The following CLPTM1L variants were observed in gnomAD, a reference collection of about 807,000 sequenced individuals.
CLPTM1L encodes lipid scramblase CLPTM1L.
A neutral mutation model predicts 70.9 loss-of-function variants in CLPTM1L; 38 were observed. That is an observed-to-expected ratio of 0.54 (90% CI 0.41 to 0.70). CLPTM1L has a LOEUF of 0.70. Among genes scored for constraint, CLPTM1L ranks in the 30% least tolerant of loss-of-function variants. CLPTM1L has a pLI of 0.00. For synonymous variants in CLPTM1L, 339 were observed against 299.9 expected (o/e 1.13, Z -1.35); for missense variants, 652 against 705.9 (o/e 0.92, Z 0.87).
At chr5:1,332,551 C>A (rs1451572676) in intron 7 of CLPTM1L, among the ~76,000 whole-genome samples, 2 of 152,246 alleles carry the variant, frequency 1.3e-5, no homozygotes, top group Non-Finnish European at 2.9e-5. Context: ...TAACCACAGG[C>A]CAGCCTAACA....
In CLPTM1L at chr5:1,320,705, G is replaced by A. The variant is rs1561227027; in HGVS notation, c.1443C>T (p.Val481=). 6.5e-7 allele frequency: 1 copy of A among 1,547,756 alleles called. No homozygotes were observed. Among genetic ancestry groups the A allele is most frequent in the Admixed American group, 2.0e-5 (1 of 50,736 alleles). The change falls in exon 16 of 17, where the codon GTC becomes GTT. Residue 481 remains valine, a synonymous_variant. Coordinates refer to ENST00000320895, the MANE Select transcript of CLPTM1L (RefSeq NM_030782.5). The part of the protein sequence containing the change: ...YKAFNTFIDD[V]FAFIITMPTS... The stretch of plus-strand genomic sequence containing the variant: ...TGGGCATGGTGATGATGAAGGCAAA[G>A]ACGTCATCAATGAAGGTGTTGAAAG...
chr5:1,319,628 C>T (rs576730060), intron 16 of CLPTM1L, among the ~76,000 whole-genome samples: 7 of 152,334 alleles, frequency 4.6e-5, no homozygotes, highest in Non-Finnish European at 1.0e-4. Flanking sequence ...CCCTCTCCTG[C>T]ACTAGTAGGA....
intron 9 of CLPTM1L, among the ~76,000 whole-genome samples, chr5:1,327,458 C>CAT (rs1752680937): frequency 6.7e-6 from 1 of 148,448 alleles, no homozygotes; most frequent in Non-Finnish European, 1.5e-5. Flanking sequence ...TCTACAGGGA[C>CAT]ATTCCATCCA....
intron 11 of CLPTM1L, among the ~76,000 whole-genome samples, chr5:1,324,383 G>A (rs1365325582): frequency 6.6e-6 from 1 of 152,250 alleles, no homozygotes; most frequent in African/African-American, 2.4e-5. Context: ...TGTGCTGCTG[G>A]GGCCATTCCT....
intron 9 of CLPTM1L, among the ~76,000 whole-genome samples, chr5:1,328,834 G>A (rs1336522029): frequency 3.3e-5 from 5 of 150,862 alleles, no homozygotes; most frequent in African/African-American, 1.2e-4. Context: ...ATTGCATCCA[G>A]CTCCTCCTCT....
chr5:1,321,755 C>T lies in CLPTM1L; in HGVS notation c.1371+9G>A. The T allele has an allele frequency of 6.2e-7, 1 of 1,614,008 alleles. No individual in the cohort carries two copies. The highest frequency in any genetic ancestry group is 8.5e-7 in the Non-Finnish European group (1 of 1,179,954). ...GGGGCCGGGCCGCGGGCAGCACACA[C>T]CGCCTTACCTTGTAGTTCACAAAGA... On this transcript the variant is annotated intron_variant, in intron 14 of 16. Coordinates refer to ENST00000320895, the MANE Select transcript of CLPTM1L (RefSeq NM_030782.5).
chr5:1,331,164 G>A (rs567167490), intron 8 of CLPTM1L: 1 of 153,886 alleles, frequency 6.5e-6, no homozygotes, highest in Admixed American at 6.4e-5. Flanking sequence ...CCCCTGCAAG[G>A]TCAGGAGGAC....
rs796966447 is a variant in CLPTM1L at position 1,333,636 on chromosome 5, T to G, written c.891+653A>C. Among the ~76,000 whole-genome samples, 3 of 59,094 alleles carry G rather than the reference T, an allele frequency of 5.1e-5. No homozygotes were observed. The Admixed American group carries it at 7.4e-4, about 15-fold the overall frequency. 38.8% of individuals were successfully genotyped at this position (59,094 alleles called of 152,430 possible). On this transcript the variant is annotated intron_variant, in intron 7 of 16. Transcript: ENST00000320895. ...CTATTGTATACACACCAGATGAGGA[T>G]AAGGGGGACTACTGTATACACACCG...
chr5:1,321,238 G>A (rs1375817102), intron 15 of CLPTM1L, among the ~76,000 whole-genome samples: 1 of 152,266 alleles, frequency 6.6e-6, no homozygotes, highest in African/African-American at 2.4e-5. Flanking sequence ...AGCCAAGGGG[G>A]CCTCCACAGC....
chr5:1,333,696 G>GGATGAGGATAAGGGGGGACTACTGTATA (rs1753338258), intron 7 of CLPTM1L, among the ~76,000 whole-genome samples: 9 of 59,700 alleles, frequency 1.5e-4, no homozygotes, highest in Non-Finnish European at 2.3e-4. Flanking sequence ...TAGACACACC[G>GGATGAGGATAAGGGGGGACTACTGTATA]CAAGAGGATA....
At chr5:1,341,362 G>GC (rs1475353477) in intron 3 of CLPTM1L, among the ~76,000 whole-genome samples, 1 of 152,188 alleles carries the variant, frequency 6.6e-6, no homozygotes. Flanking sequence ...TGCAGGACCA[G>GC]CGCTCCATCC....
Position 1,335,049 on chromosome 5 carries a change from G to A in CLPTM1L, c.796+8C>T, listed in dbSNP as rs1270106869. On this transcript the variant is annotated splice_region_variant and intron_variant, in intron 6 of 16. Transcript: ENST00000320895. ...CTCACCCAGGCGCCGGCCGTGTGCG[G>A]CACATACCGAACTGCTGCAGGGAGT... is the stretch of plus-strand genomic sequence containing the variant. The A allele has an allele frequency of 1.2e-6, 2 of 1,609,922 alleles. No homozygotes were observed. Among genetic ancestry groups the A allele is most frequent in the Admixed American group, 3.3e-5 (2 of 60,006 alleles).
intron 9 of CLPTM1L, among the ~76,000 whole-genome samples, chr5:1,329,370 G>A (rs1476524868): frequency 6.6e-6 from 1 of 152,276 alleles, no homozygotes; most frequent in African/African-American, 2.4e-5. Flanking sequence ...CACATGGTGG[G>A]ATTTCTCAAG....
chr5:1,322,741 A>G lies in CLPTM1L; in HGVS notation c.1315+136T>C, dbSNP rs111625867. 3.1e-4 allele frequency: 277 copies of G among 880,308 alleles called. 2 individuals are homozygous for G. The highest frequency in any genetic ancestry group is 4.8e-4 in the Non-Finnish European group (250 of 521,302). 54.5% of individuals were successfully genotyped at this position (880,308 alleles called of 1,614,324 possible). On this transcript the variant is annotated intron_variant, in intron 13 of 16. Transcript: ENST00000320895. ...CTGGGGGGAGCCCTGGGCACCGCACATGTGCCAGAACAGGGTGGGGAGGGA... is the reference window on the plus strand; with the variant it reads ...CTGGGGGGAGCCCTGGGCACCGCACGTGTGCCAGAACAGGGTGGGGAGGGA...
intron 7 of CLPTM1L, among the ~76,000 whole-genome samples, chr5:1,333,782 G>A (rs889184310): frequency 6.0e-5 from 9 of 150,476 alleles, no homozygotes; most frequent in South Asian, 2.1e-4. Context: ...GGATAAGGGG[G>A]GACTACTGTA....
At chr5:1,343,718 G>A (rs564652314) in intron 2 of CLPTM1L, among the ~76,000 whole-genome samples, 6 of 152,314 alleles carry the variant, frequency 3.9e-5, no homozygotes, top group Admixed American at 1.3e-4. Flanking sequence ...CCTAGAGGGC[G>A]TGGAGTCCAG....
intron 9 of CLPTM1L, among the ~76,000 whole-genome samples, chr5:1,328,994 A>AGACATTGCATCCAGCTCCTCCTCTACAGG (rs1752883374): frequency 6.6e-6 from 1 of 151,160 alleles, no homozygotes; most frequent in Non-Finnish European, 1.5e-5. Flanking sequence ...TCCTCTACAG[A>AGACATTGCATCCAGCTCCTCCTCTACAGG]GACATTGCAT....
Position 1,318,721 on chromosome 5 carries a change from T to C in CLPTM1L, c.1533-268A>G, listed in dbSNP as rs1028786648. Among the ~76,000 whole-genome samples, 12 of 152,164 alleles carry C rather than the reference T, an allele frequency of 7.9e-5. No homozygotes were observed. In the East Asian group the frequency reaches 1.9e-3, roughly 25 times the overall value. On this transcript the variant is annotated intron_variant, in intron 16 of 16. Transcript: ENST00000320895. The surrounding 1 kb of genome is among the most constrained non-coding windows in gnomAD (Gnocchi z 8.9). ...GACCCGGAGGCTGCACGGGCTGCCATGGCTGAAGGGGGGACCCGGAGGCTG... is the reference window on the plus strand; with the variant it reads ...GACCCGGAGGCTGCACGGGCTGCCACGGCTGAAGGGGGGACCCGGAGGCTG...
intron 7 of CLPTM1L, among the ~76,000 whole-genome samples, chr5:1,333,645 C>T (rs1424399117): frequency 9.8e-5 from 10 of 101,576 alleles, no homozygotes; most frequent in Non-Finnish European, 1.3e-4. Flanking sequence ...ATAAGGGGGA[C>T]TACTGTATAC....
Sources: allele counts gnomAD v4.1 joint callset (sites outside exome capture counted in the v4.1 genomes callset), GRCh38; gene constraint gnomAD v4.1.1; non-coding constraint Gnocchi (gnomAD v3.1); transcripts MANE v1.5; gene names NCBI Gene and HGNC (gene_info 2026-07-23, HGNC 2026-07-21).